STK33: variants seen among roughly 807,000 people sequenced by gnomAD.
STK33 encodes serine/threonine-protein kinase 33.
Under a neutral mutation model 58.0 loss-of-function variants are expected in STK33, and 52 were observed. The observed-to-expected ratio is 0.90, with a 90% CI of 0.72 to 1.13. The LOEUF is 1.13. Among genes scored for constraint, STK33 ranks in the 50% most tolerant of loss-of-function variants. The pLI is 0.00. For missense variants in STK33, 630 were observed against 604.2 expected (o/e 1.04, Z -0.45); for synonymous variants, 215 against 200.1 (o/e 1.07, Z -0.63).
chr11:8,525,041 GAATA>G (rs1243014174), intron 1 of STK33, among the ~76,000 whole-genome samples: 2 of 151,948 alleles, frequency 1.3e-5, no homozygotes, highest in Non-Finnish European at 1.5e-5. Flanking sequence ...TAATGTGAAA[GAATA>G]AATCTAACAA....
At chr11:8,374,910 C>T in the STK33 span, among the ~76,000 whole-genome samples, 26 of 152,292 alleles carry the variant, frequency 1.7e-4, no homozygotes, top group African/African-American at 6.0e-4. Flanking sequence ...GTCTGGCGGC[C>T]GCCTCATCTC....
At chr11:8,349,778 T>C in the STK33 span, among the ~76,000 whole-genome samples, 2 of 152,222 alleles carry the variant, frequency 1.3e-5, no homozygotes, top group African/African-American at 4.8e-5. Flanking sequence ...TCGAGGGGAC[T>C]GAAACTGTCT....
chr11:8,358,463 C>G, the STK33 span, among the ~76,000 whole-genome samples: 1 of 152,238 alleles, frequency 6.6e-6, no homozygotes, highest in Non-Finnish European at 1.5e-5. Context: ...GAGGTCTGCC[C>G]TCCGGCCAAG....
rs1040345760 is a variant in STK33, at chr11:8,485,165, T to C, written c.-465-4551A>G. On this transcript the variant is annotated intron_variant, in intron 1 of 15. Coordinates refer to ENST00000687296, the MANE Select transcript of STK33 (RefSeq NM_001352389.2). The stretch of plus-strand genomic sequence containing the variant: ...AATACTGTATCCAACCACATAGCCA[T>C]TTAACAAATACCAGAATAATTTGGG... 2.0e-5 allele frequency among the ~76,000 whole-genome samples: 3 copies of C among 152,186 alleles called. No homozygotes were observed. The South Asian group carries it at 6.2e-4, about 31-fold the overall frequency.
At chr11:8,533,719 T>A (rs1954732837) in intron 1 of STK33, among the ~76,000 whole-genome samples, 2 of 152,198 alleles carry the variant, frequency 1.3e-5, no homozygotes, top group South Asian at 4.1e-4. Flanking sequence ...AATTCTAAAA[T>A]AAAGACCCCC....
intron 1 of STK33, among the ~76,000 whole-genome samples, chr11:8,589,855 G>A (rs144253962): frequency 6.6e-6 from 1 of 152,194 alleles, no homozygotes; most frequent in Non-Finnish European, 1.5e-5. Flanking sequence ...AAATAAAGAA[G>A]ATTGAGAGAA....
In STK33 at chr11:8,391,871, G is replaced by A. The variant is rs1259458213; in HGVS notation, c.*639C>T. The A allele has an allele frequency of 6.5e-6, 1 of 152,918 alleles. No homozygotes were observed. Among genetic ancestry groups the A allele is most frequent in the Non-Finnish European group, 1.5e-5 (1 of 68,288 alleles). 9.5% of individuals were successfully genotyped at this position (152,918 alleles called of 1,614,324 possible). On this transcript the variant is annotated 3_prime_UTR_variant, in exon 16 of 16. Transcript: ENST00000687296. ...CTCTTGTTAACATAAAAATTAATGT[G>A]CTGAGTAACATCTGTTTTTTATTGA...
At chr11:8,354,517 C>CACACACACACACACA in the STK33 span, among the ~76,000 whole-genome samples, 391 of 146,234 alleles carry the variant, frequency 2.7e-3, no homozygotes, top group Admixed American at 6.5e-3. Flanking sequence ...CACACACACA[C>CACACACACACACACA]CCCTCAGACA....
At chr11:8,374,519 AAGAG>A in the STK33 span, among the ~76,000 whole-genome samples, 1 of 152,122 alleles carries the variant, frequency 6.6e-6, no homozygotes, top group South Asian at 2.1e-4. Context: ...CTGGCAGAGA[AAGAG>A]AGAGAGAGAC....
chr11:8,589,741 G>T (rs931465713), intron 1 of STK33, among the ~76,000 whole-genome samples: 1 of 152,082 alleles, frequency 6.6e-6, no homozygotes, highest in Admixed American at 6.5e-5. Flanking sequence ...TGACAGAAAA[G>T]CAATAAAGAA....
intron 1 of STK33, among the ~76,000 whole-genome samples, chr11:8,508,354 G>A (rs558742837): frequency 3.2e-4 from 44 of 139,102 alleles, no homozygotes; most frequent in Admixed American, 8.0e-4. Context: ...CTGCAGCCTC[G>A]AACTCCTAGG....
the STK33 span, among the ~76,000 whole-genome samples, chr11:8,381,435 C>T: frequency 2.6e-5 from 4 of 152,114 alleles, no homozygotes; most frequent in Non-Finnish European, 5.9e-5. Context: ...TGTTGACCCA[C>T]GGAGAATGAA....
At chr11:8,489,707 A>G (rs1565173667) in intron 1 of STK33, among the ~76,000 whole-genome samples, 1 of 152,214 alleles carries the variant, frequency 6.6e-6, no homozygotes, top group Non-Finnish European at 1.5e-5. Flanking sequence ...ATGACAATTA[A>G]CTTTCCAGCA....
chr11:8,538,016 G>A (rs142428952), intron 1 of STK33, among the ~76,000 whole-genome samples: 3 of 151,790 alleles, frequency 2.0e-5, no homozygotes, highest in Non-Finnish European at 2.9e-5. Flanking sequence ...GCGAAACCTC[G>A]TCTCTACCAA....
chr11:8,553,229 T>TATATATATATATATATATATG (rs1956483699), intron 1 of STK33, among the ~76,000 whole-genome samples: 1 of 101,128 alleles, frequency 9.9e-6, no homozygotes, highest in East Asian at 2.9e-4. Flanking sequence ...ATATATGGTG[T>TATATATATATATATATATATG]GTATATATAT....
At chr11:8,556,530 T>TCCA (rs1177048080) in intron 1 of STK33, among the ~76,000 whole-genome samples, 1 of 152,156 alleles carries the variant, frequency 6.6e-6, no homozygotes, top group Non-Finnish European at 1.5e-5. Context: ...TGGAAATCCT[T>TCCA]CCACCCCCTT....
the STK33 span, among the ~76,000 whole-genome samples, chr11:8,339,257 G>T: frequency 0.43 from 64,882 of 152,008 alleles, 14,893 homozygotes; most frequent in Non-Finnish European, 0.51. Flanking sequence ...ATCCAGGCAC[G>T]GGGTTAGCAC....
intron 11 of STK33, among the ~76,000 whole-genome samples, chr11:8,442,843 CAAA>C (rs992846257): frequency 6.6e-6 from 1 of 151,994 alleles, no homozygotes; most frequent in African/African-American, 2.4e-5. Context: ...TGATGTAAGA[CAAA>C]AGAAGAAGAC....
chr11:8,451,713 T>C lies in STK33; in HGVS notation c.871+1109A>G, dbSNP rs115983155. Among the ~76,000 whole-genome samples, 470 of 152,304 alleles carry C rather than the reference T, an allele frequency of 3.1e-3. 2 individuals are homozygous for C. The highest frequency in any genetic ancestry group is 0.011 in the African/African-American group (437 of 41,568). The stretch of plus-strand genomic sequence containing the variant: ...AACTCTGTGGATGTATGAAAAATCA[T>C]TGTATTTTTATTGTAAAACAAAAAT... On this transcript the variant is annotated intron_variant, in intron 11 of 15. Coordinates refer to ENST00000687296, the MANE Select transcript of STK33 (RefSeq NM_001352389.2).
Sources: gnomAD v4.1 joint callset for allele counts (sites outside exome capture counted in the v4.1 genomes callset) on GRCh38, gnomAD v4.1.1 for gene constraint, MANE v1.5 for transcripts, NCBI Gene and HGNC (gene_info 2026-07-23, HGNC 2026-07-21) for gene names.